The following CTNNA3 variants were observed in gnomAD, a reference collection of about 807,000 sequenced individuals.
The protein encoded by CTNNA3 is catenin alpha 3, also known as catenin alpha-3.
A neutral mutation model predicts 95.7 loss-of-function variants in CTNNA3; 76 were observed. The observed-to-expected ratio is 0.79, with a 90% CI of 0.66 to 0.96. The LOEUF (loss-of-function observed/expected upper bound fraction) is 0.96. CTNNA3 is among the 40% of genes least tolerant of loss of function. The pLI, the probability that CTNNA3 is intolerant of heterozygous loss-of-function variation, is 0.00. For missense variants in CTNNA3, 1,191 were observed against 1,089.8 expected, an observed-to-expected ratio of 1.09 and a Z score of -1.31; for synonymous variants, 431 against 374.4, an observed-to-expected ratio of 1.15 and a Z score of -1.74.
Position 66,984,201 on chromosome 10 carries a change from A to T in CTNNA3, c.1047+196116T>A, listed in dbSNP as rs557851759. 7.9e-4 allele frequency among the ~76,000 whole-genome samples: 121 copies of T among 152,328 alleles called. No individual in the cohort carries two copies. The Middle Eastern group carries it at 0.014, about 17-fold the overall frequency. ...GACAATGTATTTACCAGAAATGAAA[A>T]TATTTCAACGAATGATGACGTTCTT... On this transcript the variant is annotated intron_variant, in intron 7 of 17. Coordinates refer to ENST00000433211, the MANE Select transcript of CTNNA3 (RefSeq NM_013266.4).
intron 6 of CTNNA3, among the ~76,000 whole-genome samples, chr10:67,211,224 TA>T (rs1864125909): frequency 6.6e-6 from 1 of 151,996 alleles, no homozygotes; most frequent in African/African-American, 2.4e-5. Context: ...AATTTGTTTT[TA>T]AAAACTTGCT....
intron 11 of CTNNA3, among the ~76,000 whole-genome samples, chr10:66,504,316 T>C (rs1238267363): frequency 6.6e-6 from 1 of 152,190 alleles, no homozygotes; most frequent in Non-Finnish European, 1.5e-5. Context: ...CACGTAGAAC[T>C]TGTTCACAGC....
At chr10:67,150,716 C>T (rs1272371089) in intron 7 of CTNNA3, among the ~76,000 whole-genome samples, 1 of 152,060 alleles carries the variant, frequency 6.6e-6, no homozygotes, top group Admixed American at 6.6e-5. Flanking sequence ...GTTTACTAGC[C>T]CAAAGTCAGT....
chr10:67,022,660 G>A (rs767233063), intron 7 of CTNNA3, among the ~76,000 whole-genome samples: 21 of 152,140 alleles, frequency 1.4e-4, no homozygotes, highest in Admixed American at 2.0e-4. Context: ...ACTGAAGGCC[G>A]GGCACGGTGG....
At chr10:67,439,600 G>GC (rs1368100058) in intron 5 of CTNNA3, among the ~76,000 whole-genome samples, 1 of 152,028 alleles carries the variant, frequency 6.6e-6, no homozygotes, top group East Asian at 1.9e-4. Context: ...CTCCCACTAG[G>GC]CCCCCCACCT....
chr10:65,920,474 CCACAT>C lies in CTNNA3; in HGVS notation c.2539_2543del (p.Met847GlufsTer12), dbSNP rs1163970686. On this transcript the variant is annotated frameshift_variant, in exon 18 of 18. Transcript: ENST00000433211. LOFTEE classifies it high-confidence loss of function. ...GTTTTTTTGCAGGAGCCTTCATTCTCCACATCACAACTGGGTGCCGGGGCCCAGCA... is the reference window on the plus strand; with the variant it reads ...GTTTTTTTGCAGGAGCCTTCATTCTCCACAACTGGGTGCCGGGGCCCAGCA... 6.2e-7 allele frequency: 1 copy of C among 1,614,170 alleles called. No homozygotes were observed.
intron 12 of CTNNA3, among the ~76,000 whole-genome samples, chr10:66,335,765 A>G (rs925052621): frequency 2.0e-5 from 3 of 152,134 alleles, no homozygotes; most frequent in Non-Finnish European, 4.4e-5. Flanking sequence ...CCTGTCAGAC[A>G]GGGACATTTA....
rs141769397 is a variant in CTNNA3, at chr10:66,464,067, T to C, written c.1531+56550A>G. 2.4e-3 allele frequency among the ~76,000 whole-genome samples: 370 copies of C among 152,180 alleles called. 1 individual carries two copies. Among genetic ancestry groups the C allele is most frequent in the African/African-American group, 8.6e-3 (356 of 41,546 alleles). On this transcript the variant is annotated intron_variant, in intron 11 of 17. Coordinates refer to ENST00000433211, the MANE Select transcript of CTNNA3 (RefSeq NM_013266.4). ...TTTAAATTAAATGACTTTATTAATATGTCTATTTTAGATACTCCCAAGAGT... is the reference window on the plus strand; with the variant it reads ...TTTAAATTAAATGACTTTATTAATACGTCTATTTTAGATACTCCCAAGAGT...
chr10:66,640,737 T>C (rs907958389), intron 9 of CTNNA3, among the ~76,000 whole-genome samples: 2 of 152,112 alleles, frequency 1.3e-5, no homozygotes, highest in Non-Finnish European at 2.9e-5. Context: ...GGGAAGAATT[T>C]TTCCCCCCAC....
intron 12 of CTNNA3, among the ~76,000 whole-genome samples, chr10:66,336,322 C>T (rs2092395382): frequency 6.6e-6 from 1 of 152,020 alleles, no homozygotes; most frequent in Admixed American, 6.5e-5. Context: ...TCTGCATCAC[C>T]CATGCTGGGA....
At chr10:66,172,793 G>A (rs539375241) in intron 13 of CTNNA3, among the ~76,000 whole-genome samples, 1 of 152,188 alleles carries the variant, frequency 6.6e-6, no homozygotes, top group Admixed American at 6.5e-5. Flanking sequence ...TAAACCCTGA[G>A]CTACAAAAAA....
At position 66,677,569 on chromosome 10, in the gene CTNNA3, C is replaced by T. The variant is rs193183172; in HGVS notation, c.1282-55785G>A. On this transcript the variant is annotated intron_variant, in intron 9 of 17. Transcript: ENST00000433211. ...ATGGGAGGTAATTGAATCATGTGGG[C>T]GGAGCTTTCCCATGCTGTTTTCATG... Among the ~76,000 whole-genome samples, 606 of 152,110 alleles carry T rather than the reference C, an allele frequency of 4.0e-3. 4 individuals are homozygous for T. The highest frequency in any genetic ancestry group is 6.5e-3 in the Non-Finnish European group (443 of 67,964).
At chr10:66,965,206 TGTTTAAAAAGCTGG>T (rs1395038636) in intron 7 of CTNNA3, among the ~76,000 whole-genome samples, 3 of 152,020 alleles carry the variant, frequency 2.0e-5, no homozygotes, top group Non-Finnish European at 2.9e-5. Flanking sequence ...CTCCAGGTTG[TGTTTAAAAAGCTGG>T]GTTTTTTTGG....
At chr10:67,374,799 G>A (rs1393895412) in intron 5 of CTNNA3, among the ~76,000 whole-genome samples, 4 of 152,106 alleles carry the variant, frequency 2.6e-5, no homozygotes, top group Admixed American at 1.3e-4. Context: ...GCTACTTGAA[G>A]AGAAAATTTG....
At chr10:67,211,740 T>C (rs1864149012) in intron 6 of CTNNA3, among the ~76,000 whole-genome samples, 1 of 152,152 alleles carries the variant, frequency 6.6e-6, no homozygotes, top group African/African-American at 2.4e-5. Context: ...CCATCATTTG[T>C]CACAAGAGCA....
In CTNNA3 at chr10:66,947,692, A is replaced by G. The variant is rs1848343570; in HGVS notation, c.1048-172168T>C. Among the ~76,000 whole-genome samples, 3 of 152,278 alleles carry G rather than the reference A, an allele frequency of 2.0e-5. No homozygotes were observed. In the South Asian group the frequency reaches 6.2e-4, roughly 32 times the overall value. On this transcript the variant is annotated intron_variant, in intron 7 of 17. Coordinates refer to ENST00000433211, the MANE Select transcript of CTNNA3 (RefSeq NM_013266.4). ...TACTTTTTCTTTCATTCTGTTTTCAAATATTTTTTTCTTTTTTTAATCTTG... is the reference window on the plus strand; with the variant it reads ...TACTTTTTCTTTCATTCTGTTTTCAGATATTTTTTTCTTTTTTTAATCTTG...
At chr10:67,149,139 C>G (rs1373228039) in intron 7 of CTNNA3, among the ~76,000 whole-genome samples, 2 of 152,154 alleles carry the variant, frequency 1.3e-5, no homozygotes, top group Non-Finnish European at 2.9e-5. Flanking sequence ...CCAGTTTACT[C>G]TCAGGCAGTC....
intron 7 of CTNNA3, among the ~76,000 whole-genome samples, chr10:67,169,904 A>G (rs1161829835): frequency 6.6e-6 from 1 of 152,226 alleles, no homozygotes; most frequent in Non-Finnish European, 1.5e-5. Flanking sequence ...ATAAGCATCT[A>G]TAAGAGACTT....
Position 65,919,936 on chromosome 10 carries a change from C to A in CTNNA3, c.*394G>T, listed in dbSNP as rs1589128809. The A allele has an allele frequency of 6.2e-6, 1 of 160,196 alleles. No homozygotes were observed. The highest frequency in any genetic ancestry group is 1.4e-5 in the Non-Finnish European group (1 of 73,722). 9.9% of individuals were successfully genotyped at this position (160,196 alleles called of 1,614,324 possible). ...AAGTCTTTTGTTTCTATTAAAAAAC[C>A]AAGTTAGGAGCTCATGTTAGTGTTT... On this transcript the variant is annotated 3_prime_UTR_variant, in exon 18 of 18. Transcript: ENST00000433211.
Sources: gnomAD v4.1 joint callset for allele counts (sites outside exome capture counted in the v4.1 genomes callset) on GRCh38, gnomAD v4.1.1 for gene constraint, MANE v1.5 for transcripts, NCBI Gene and HGNC (gene_info 2026-07-23, HGNC 2026-07-21) for gene names.